TMEM232: variants seen among roughly 807,000 people sequenced by gnomAD.
TMEM232 encodes the protein transmembrane protein 232.
In TMEM232, 80 loss-of-function variants were observed where a neutral mutation model predicts 78.8. The observed-to-expected ratio is 1.01, with a 90% confidence interval of 0.85 to 1.22. The LOEUF is 1.22. Ranked by LOEUF, TMEM232 falls within the 50% of genes most tolerant of loss-of-function variation. TMEM232 has a pLI of 0.00. For synonymous variants in TMEM232, 297 were observed against 254.3 expected, an observed-to-expected ratio of 1.17 and a Z score of -1.60; for missense variants, 881 against 742.2, an observed-to-expected ratio of 1.19 and a Z score of -2.17.
At chr5:110,400,625 A>G (rs1235332287) in intron 2 of TMEM232, among the ~76,000 whole-genome samples, 3 of 152,126 alleles carry the variant, frequency 2.0e-5, no homozygotes, top group East Asian at 1.9e-4. Context: ...CCAGAATCCA[A>G]ATTAATTACG....
At chr5:110,524,429 A>G (rs192365925) in intron 12 of TMEM232, among the ~76,000 whole-genome samples, 2 of 141,934 alleles carry the variant, frequency 1.4e-5, no homozygotes, top group South Asian at 4.3e-4. Flanking sequence ...AGAAAAGAAA[A>G]GAAAAGAAAA....
At chr5:110,452,684 G>A (rs1760448123) in intron 12 of TMEM232, among the ~76,000 whole-genome samples, 1 of 152,168 alleles carries the variant, frequency 6.6e-6, no homozygotes, top group African/African-American at 2.4e-5. Context: ...AAATAGAAGA[G>A]TCAGGGATAA....
At chr5:110,422,630 AG>A (rs1756790899) in intron 13 of TMEM232, among the ~76,000 whole-genome samples, 1 of 152,084 alleles carries the variant, frequency 6.6e-6, no homozygotes, top group Non-Finnish European at 1.5e-5. Context: ...CATGTATAAA[AG>A]CATCAGTACA....
At chr5:110,495,047 T>A (rs1765498219) in intron 12 of TMEM232, among the ~76,000 whole-genome samples, 1 of 151,556 alleles carries the variant, frequency 6.6e-6, no homozygotes, top group Non-Finnish European at 1.5e-5. Flanking sequence ...TTTGAAGTTA[T>A]ATGGTAGGCT....
rs140003055 is a variant in TMEM232, at chr5:110,606,942, A to T, written c.903-655T>A. ...AAAATAGTTTGAAAGAGAACTAATA[A>T]GAGAACAAATTAAAAATTACTTTGG... On this transcript the variant is annotated intron_variant, in intron 8 of 13. Transcript: ENST00000455884. Among the ~76,000 whole-genome samples the T allele has an allele frequency of 3.9e-5, 6 of 152,116 alleles. No homozygotes were observed. In the East Asian group the frequency reaches 1.2e-3, roughly 29 times the overall value.
At chr5:110,466,482 G>A (rs1762088094) in intron 12 of TMEM232, among the ~76,000 whole-genome samples, 1 of 151,984 alleles carries the variant, frequency 6.6e-6, no homozygotes, top group South Asian at 2.1e-4. Flanking sequence ...TGAACATTTT[G>A]TTTTCCATGA....
chr5:110,736,933 T>C (rs1431526781), intron 1 of TMEM232, among the ~76,000 whole-genome samples: 2 of 150,384 alleles, frequency 1.3e-5, no homozygotes, highest in Middle Eastern at 3.4e-3. Context: ...TATTCACAAA[T>C]GGCTCACTCC....
chr5:110,670,002 A>T (rs1791146665), intron 1 of TMEM232, among the ~76,000 whole-genome samples: 1 of 152,204 alleles, frequency 6.6e-6, no homozygotes, highest in South Asian at 2.1e-4. Flanking sequence ...AGAGCTATCT[A>T]TGACAAACCC....
chr5:110,706,838 A>G (rs1795976673), intron 1 of TMEM232, among the ~76,000 whole-genome samples: 1 of 152,208 alleles, frequency 6.6e-6, no homozygotes, highest in Admixed American at 6.5e-5. Context: ...AAAGAAATAC[A>G]GTAGCTTTTG....
chr5:110,580,653 G>A (rs1313811997), intron 10 of TMEM232, among the ~76,000 whole-genome samples: 3 of 151,458 alleles, frequency 2.0e-5, no homozygotes, highest in Admixed American at 1.3e-4. Context: ...GAAAATTAAT[G>A]AAGAAACAGC....
At chr5:110,722,726 A>T (rs1797770077) in intron 1 of TMEM232, among the ~76,000 whole-genome samples, 1 of 152,196 alleles carries the variant, frequency 6.6e-6, no homozygotes, top group Non-Finnish European at 1.5e-5. Flanking sequence ...TAGGAGCTAC[A>T]AAAGGGTGTG....
intron 12 of TMEM232, among the ~76,000 whole-genome samples, chr5:110,456,449 A>G (rs1186909974): frequency 1.3e-5 from 2 of 152,162 alleles, no homozygotes; most frequent in African/African-American, 4.8e-5. Flanking sequence ...AGGAGTAAAT[A>G]TTGTGAAGAT....
At chr5:110,456,554 G>C (rs1455924194) in intron 12 of TMEM232, among the ~76,000 whole-genome samples, 1 of 152,026 alleles carries the variant, frequency 6.6e-6, no homozygotes, top group Non-Finnish European at 1.5e-5. Flanking sequence ...TATAGAACTT[G>C]CTTGGAGAAG....
intron 12 of TMEM232, 104 bp from the exon 13 acceptor site, chr5:110,425,020 T>C: frequency 1.2e-6 from 1 of 851,278 alleles, no homozygotes; most frequent in East Asian, 2.7e-5. Context: ...GCATTTTGAT[T>C]CTTCATTGTT....
chr5:110,477,458 GT>G (rs1219577245), intron 12 of TMEM232, among the ~76,000 whole-genome samples: 2 of 151,726 alleles, frequency 1.3e-5, no homozygotes, highest in Non-Finnish European at 2.9e-5. Context: ...TATTATTGTG[GT>G]TTTTTAGTCA....
At chr5:110,579,810 C>T (rs1777972754) in intron 10 of TMEM232, among the ~76,000 whole-genome samples, 1 of 151,388 alleles carries the variant, frequency 6.6e-6, no homozygotes, top group South Asian at 2.1e-4. Context: ...ATAATAAATC[C>T]TTATATATCA....
intron 1 of TMEM232, among the ~76,000 whole-genome samples, chr5:110,677,610 A>AG (rs1197221781): frequency 6.6e-6 from 1 of 152,226 alleles, no homozygotes; most frequent in African/African-American, 2.4e-5. Flanking sequence ...TATTTTCTAA[A>AG]GAAGATTCAC....
intron 11 of TMEM232, among the ~76,000 whole-genome samples, chr5:110,563,409 T>C (rs1040917980): frequency 6.6e-6 from 1 of 151,896 alleles, no homozygotes; most frequent in African/African-American, 2.4e-5. Flanking sequence ...ATAGAAATGA[T>C]AAATTTGAGT....
At chr5:110,444,582 C>T (rs1227772820) in intron 12 of TMEM232, among the ~76,000 whole-genome samples, 1 of 152,138 alleles carries the variant, frequency 6.6e-6, no homozygotes, top group Non-Finnish European at 1.5e-5. Context: ...TTTGGTGTTC[C>T]TGTGGGGGAT....
Sources: gnomAD v4.1 joint callset for allele counts (sites outside exome capture counted in the v4.1 genomes callset) on GRCh38, gnomAD v4.1.1 for gene constraint, MANE v1.5 for transcripts, NCBI Gene and HGNC (gene_info 2026-07-23, HGNC 2026-07-21) for gene names.